Variants in MAGI1 observed in about 807,000 individuals in gnomAD.
MAGI1 encodes membrane-associated guanylate kinase, WW and PDZ domain-containing protein 1.
In MAGI1, 58 loss-of-function variants were observed where a neutral mutation model predicts 139.9. The observed-to-expected ratio is 0.41, with a 90% CI of 0.34 to 0.52. The LOEUF (loss-of-function observed/expected upper bound fraction) is 0.52. Among genes scored for constraint, MAGI1 ranks in the 20% least tolerant of loss-of-function variants. The pLI, the probability that MAGI1 is intolerant of heterozygous loss-of-function variation, is 0.12. For missense variants in MAGI1, 1,874 were observed against 1,901.6 expected (o/e 0.99, Z 0.27); for synonymous variants, 812 against 737.9 (o/e 1.10, Z -1.63).
At chr3:65,677,062 A>T (rs1004324794) in intron 1 of MAGI1, among the ~76,000 whole-genome samples, 39 of 152,178 alleles carry the variant, frequency 2.6e-4, no homozygotes, top group African/African-American at 9.4e-4. Context: ...GTGGAGAGGG[A>T]CATACACGAT....
At chr3:65,784,250 A>G (rs921079876) in intron 1 of MAGI1, among the ~76,000 whole-genome samples, 2 of 152,224 alleles carry the variant, frequency 1.3e-5, no homozygotes, top group Non-Finnish European at 2.9e-5. Flanking sequence ...TCAAAAAGCT[A>G]AACATGGAGT....
intron 1 of MAGI1, among the ~76,000 whole-genome samples, chr3:65,800,550 G>A (rs995495560): frequency 2.0e-5 from 3 of 151,904 alleles, no homozygotes; most frequent in African/African-American, 4.8e-5. Context: ...GTGCTTGGAA[G>A]GGCAGAACAT....
At chr3:65,463,594 G>GTGTA (rs1209133551) in intron 5 of MAGI1, among the ~76,000 whole-genome samples, 5 of 147,936 alleles carry the variant, frequency 3.4e-5, no homozygotes, top group South Asian at 2.1e-4. Flanking sequence ...GTGTGTGTGT[G>GTGTA]TGTGTGTGTC....
intron 2 of MAGI1, among the ~76,000 whole-genome samples, chr3:65,554,185 C>G (rs6775706): frequency 0.38 from 57,743 of 152,052 alleles, 12,424 homozygotes; most frequent in East Asian, 0.66. Context: ...AGAGACATCA[C>G]TTCCCTTTGA....
intron 12 of MAGI1, among the ~76,000 whole-genome samples, chr3:65,413,093 T>C (rs947503720): frequency 7.1e-6 from 1 of 139,972 alleles, no homozygotes; most frequent in Non-Finnish European, 1.5e-5. Flanking sequence ...TGAAAAAAAA[T>C]CTCAGATCCT....
chr3:65,434,997 C>T (rs1037708084), intron 10 of MAGI1, among the ~76,000 whole-genome samples: 1 of 152,194 alleles, frequency 6.6e-6, no homozygotes. Flanking sequence ...CTAGTACTTT[C>T]TCTCTCTACT....
chr3:65,835,690 T>C (rs565841644), intron 1 of MAGI1, among the ~76,000 whole-genome samples: 7 of 152,228 alleles, frequency 4.6e-5, no homozygotes, highest in Non-Finnish European at 5.9e-5. Flanking sequence ...TATATTTTTG[T>C]AGTGAAAAAC....
chr3:65,805,706 G>C (rs1184131721), intron 1 of MAGI1, among the ~76,000 whole-genome samples: 1 of 152,182 alleles, frequency 6.6e-6, no homozygotes, highest in Non-Finnish European at 1.5e-5. Context: ...ATCAGCAATA[G>C]GCTGGATAAA....
rs149412145 is a variant in MAGI1 at position 65,812,121 on chromosome 3, A to G, written c.314-190033T>C. On this transcript the variant is annotated intron_variant, in intron 1 of 22. Transcript: ENST00000402939. ...CCGTAACTCAAAGCCAAGCTATTTA[A>G]ATAGCTCTCAGGAAATGCTTTTTCC... Among the ~76,000 whole-genome samples the G allele has an allele frequency of 8.1e-4, 123 of 152,234 alleles. 2 individuals carry two copies. Among genetic ancestry groups the G allele is most frequent in the African/African-American group, 2.6e-3 (106 of 41,538 alleles).
At chr3:65,816,657 C>A (rs1008585100) in intron 1 of MAGI1, among the ~76,000 whole-genome samples, 2 of 149,770 alleles carry the variant, frequency 1.3e-5, no homozygotes, top group African/African-American at 2.4e-5. Context: ...AAAAAAAGAT[C>A]AATGCCATGG....
At chr3:65,757,779 C>A (rs941941991) in intron 1 of MAGI1, among the ~76,000 whole-genome samples, 1 of 152,166 alleles carries the variant, frequency 6.6e-6, no homozygotes, top group African/African-American at 2.4e-5. Context: ...AGAAAGAAAT[C>A]CTAAAATAAA....
At chr3:65,407,310 G>C (rs2107165853) in intron 12 of MAGI1, among the ~76,000 whole-genome samples, 1 of 152,174 alleles carries the variant, frequency 6.6e-6, no homozygotes, top group Non-Finnish European at 1.5e-5. Context: ...AGCTGGGTGT[G>C]GTGGCAGGTA....
intron 1 of MAGI1, among the ~76,000 whole-genome samples, chr3:66,016,436 A>C (rs4416408): frequency 0.38 from 57,966 of 152,006 alleles, 12,203 homozygotes; most frequent in East Asian, 0.66. Flanking sequence ...CCAAGCCAGA[A>C]AGGTGGAAGG....
Position 65,708,207 on chromosome 3 carries a change from T to C in MAGI1, c.314-86119A>G, listed in dbSNP as rs552608114. Among the ~76,000 whole-genome samples the C allele has an allele frequency of 3.3e-5, 5 of 152,354 alleles. No individual in the cohort carries two copies. The East Asian group carries it at 7.7e-4, about 24-fold the overall frequency. ...TTACAGATAGGACCCAACCTGGCTT[T>C]TCCCCCCTTTTAAAGAAATCAATGG... is the stretch of plus-strand genomic sequence containing the variant. On this transcript the variant is annotated intron_variant, in intron 1 of 22. Coordinates refer to ENST00000402939, the MANE Select transcript of MAGI1 (RefSeq NM_001033057.2).
intron 1 of MAGI1, among the ~76,000 whole-genome samples, chr3:65,880,908 C>CGTGTGTGTGT (rs11271375): frequency 0.036 from 5,241 of 145,638 alleles, 338 homozygotes; most frequent in African/African-American, 0.13. Flanking sequence ...ATATCTCTGG[C>CGTGTGTGTGT]GTGTGTGTGT....
intron 1 of MAGI1, among the ~76,000 whole-genome samples, chr3:65,943,724 T>C (rs1156574642): frequency 6.6e-6 from 1 of 152,174 alleles, no homozygotes; most frequent in Admixed American, 6.6e-5. Context: ...CAGTCACTAA[T>C]CTTGTCCTAC....
chr3:65,549,512 C>A, intron 2 of MAGI1: 1 of 984,392 alleles, frequency 1.0e-6, no homozygotes, highest in Non-Finnish European at 1.2e-6. Context: ...AGCGGCCCGG[C>A]GGCAGCTGCT....
chr3:65,950,106 A>AAAAAAAAAAAAAAAAAAAAAAC (rs796698272), intron 1 of MAGI1, among the ~76,000 whole-genome samples: 6 of 84,200 alleles, frequency 7.1e-5, no homozygotes, highest in Admixed American at 5.1e-4. Flanking sequence ...AAAAAAAAAA[A>AAAAAAAAAAAAAAAAAAAAAAC]CAGAACTAGC....
chr3:65,387,023 C>T (rs1224441704), intron 14 of MAGI1: 1 of 823,416 alleles, frequency 1.2e-6, no homozygotes, highest in African/African-American at 1.7e-5. Flanking sequence ...AAGCACTTCC[C>T]TTCATGCCCC....
Sources: allele counts gnomAD v4.1 joint callset (sites outside exome capture counted in the v4.1 genomes callset), GRCh38; gene constraint gnomAD v4.1.1; transcripts MANE v1.5; gene names NCBI Gene and HGNC (gene_info 2026-07-23, HGNC 2026-07-21).